The following EPHB1 variants were observed in gnomAD, a reference collection of about 807,000 sequenced individuals.
EPHB1 encodes the protein ephrin type-B receptor 1.
In EPHB1, 30 loss-of-function variants were observed where a neutral mutation model predicts 94.4. That is an observed-to-expected ratio of 0.32 (90% CI 0.24 to 0.43). The LOEUF (loss-of-function observed/expected upper bound fraction) is 0.43. Among genes scored for constraint, EPHB1 ranks in the 20% least tolerant of loss-of-function variants. EPHB1 has a pLI of 1.00. For missense variants in EPHB1, 1,055 were observed against 1,308.3 expected (o/e 0.81, Z 2.99); for synonymous variants, 522 against 489.1 (o/e 1.07, Z -0.89).
At chr3:134,813,485 C>T (rs545323323) in intron 1 of EPHB1, among the ~76,000 whole-genome samples, 1 of 152,266 alleles carries the variant, frequency 6.6e-6, no homozygotes. Context: ...TTTTTCTGCA[C>T]AGATTGTCCT....
intron 3 of EPHB1, among the ~76,000 whole-genome samples, chr3:134,966,091 G>C (rs978469803): frequency 6.6e-6 from 1 of 152,244 alleles, no homozygotes; most frequent in African/African-American, 2.4e-5. Context: ...AGGGGCAAGG[G>C]AGAGGCCATC....
intron 12 of EPHB1, among the ~76,000 whole-genome samples, chr3:135,227,682 T>G (rs1317149079): frequency 6.6e-6 from 1 of 152,192 alleles, no homozygotes; most frequent in Non-Finnish European, 1.5e-5. Flanking sequence ...CGTATGTATA[T>G]TTCTATAAAA....
chr3:134,941,615 T>G (rs183251201), intron 2 of EPHB1, among the ~76,000 whole-genome samples: 2 of 152,328 alleles, frequency 1.3e-5, no homozygotes, highest in East Asian at 3.9e-4. Flanking sequence ...GCATAAAGAA[T>G]GTGTCAGAGT....
At chr3:134,905,591 A>G (rs949891173) in intron 1 of EPHB1, among the ~76,000 whole-genome samples, 3 of 152,232 alleles carry the variant, frequency 2.0e-5, no homozygotes, top group Non-Finnish European at 4.4e-5. Flanking sequence ...GAAAAGAGGA[A>G]GAGCAAAGGC....
At chr3:135,216,334 CTT>C (rs1406270921) in intron 12 of EPHB1, among the ~76,000 whole-genome samples, 1 of 152,276 alleles carries the variant, frequency 6.6e-6, no homozygotes, top group Non-Finnish European at 1.5e-5. Context: ...TCCATCAACT[CTT>C]TTGTGGAAAA....
chr3:135,226,259 T>C (rs1347080458), intron 12 of EPHB1, among the ~76,000 whole-genome samples: 1 of 152,204 alleles, frequency 6.6e-6, no homozygotes, highest in Non-Finnish European at 1.5e-5. Context: ...TCAGTAGCTC[T>C]TCAAAGCCTT....
At chr3:135,116,033 G>A (rs1254778765) in intron 4 of EPHB1, among the ~76,000 whole-genome samples, 2 of 152,100 alleles carry the variant, frequency 1.3e-5, no homozygotes, top group African/African-American at 2.4e-5. Flanking sequence ...GGCCAACATG[G>A]TGAAACCCCG....
chr3:135,258,818 A>G (rs1933526291), intron 15 of EPHB1, among the ~76,000 whole-genome samples, 194 bp from the exon 16 acceptor site: 1 of 152,234 alleles, frequency 6.6e-6, no homozygotes, highest in Non-Finnish European at 1.5e-5. Context: ...AGCTGGAGGA[A>G]GCATTAGAGA....
At chr3:134,827,599 A>G (rs551394078) in intron 1 of EPHB1, among the ~76,000 whole-genome samples, 4 of 152,366 alleles carry the variant, frequency 2.6e-5, no homozygotes, top group East Asian at 1.9e-4. Flanking sequence ...TAGTTCCTGC[A>G]CAAGTCCTGA....
chr3:135,150,657 G>A (rs1371472424), intron 5 of EPHB1, among the ~76,000 whole-genome samples: 1 of 152,076 alleles, frequency 6.6e-6, no homozygotes, highest in African/African-American at 2.4e-5. Context: ...TGCTTCATTG[G>A]TGGCTTTTCC....
At chr3:135,069,768 A>C (rs994941394) in intron 3 of EPHB1, among the ~76,000 whole-genome samples, 1 of 152,102 alleles carries the variant, frequency 6.6e-6, no homozygotes. Context: ...GAAGCTTGAC[A>C]TCAATAACCT....
At chr3:134,993,874 G>T (rs745414629) in intron 3 of EPHB1, among the ~76,000 whole-genome samples, 40 of 152,154 alleles carry the variant, frequency 2.6e-4, no homozygotes, top group Non-Finnish European at 4.3e-4. Context: ...AAAGTCTTGG[G>T]TTTCCCCAGT....
chr3:135,126,234 C>A (rs1039954760), intron 4 of EPHB1, among the ~76,000 whole-genome samples: 1 of 152,148 alleles, frequency 6.6e-6, no homozygotes, highest in African/African-American at 2.4e-5. Flanking sequence ...TTCCAAACTA[C>A]AATCTTGAAT....
chr3:135,080,196 G>A (rs1053075147), intron 3 of EPHB1, among the ~76,000 whole-genome samples: 1 of 152,168 alleles, frequency 6.6e-6, no homozygotes, highest in Admixed American at 6.5e-5. Flanking sequence ...CTGGGGAAGC[G>A]AGGTATTCCT....
intron 12 of EPHB1, among the ~76,000 whole-genome samples, chr3:135,238,275 G>C (rs1162289518): frequency 1.3e-5 from 2 of 152,306 alleles, no homozygotes; most frequent in South Asian, 4.1e-4. Context: ...CTGAGCAGGA[G>C]AGCCTGCCAT....
At chr3:135,054,488 C>G (rs1937291177) in intron 3 of EPHB1, among the ~76,000 whole-genome samples, 3 of 152,210 alleles carry the variant, frequency 2.0e-5, no homozygotes, top group African/African-American at 7.2e-5. Flanking sequence ...TCTCACTTCA[C>G]TCTGCCCTTG....
chr3:135,154,765 G>A (rs1481814750), intron 6 of EPHB1, among the ~76,000 whole-genome samples: 6 of 152,154 alleles, frequency 3.9e-5, no homozygotes, highest in Non-Finnish European at 8.8e-5. Context: ...AAAAGGATGA[G>A]ATAAAAATTA....
chr3:135,080,740 T>C (rs1179392985), intron 3 of EPHB1, among the ~76,000 whole-genome samples: 1 of 152,106 alleles, frequency 6.6e-6, no homozygotes, highest in Non-Finnish European at 1.5e-5. Context: ...CTACTTAACC[T>C]CTCTGTAGCT....
At chr3:135,084,227 G>A (rs1478757039) in intron 3 of EPHB1, among the ~76,000 whole-genome samples, 2 of 152,268 alleles carry the variant, frequency 1.3e-5, no homozygotes, top group South Asian at 2.1e-4. Flanking sequence ...TGATGGAGAT[G>A]CCCTGCACGC....
Sources: gnomAD v4.1 joint callset for allele counts (sites outside exome capture counted in the v4.1 genomes callset) on GRCh38, gnomAD v4.1.1 for gene constraint, MANE v1.5 for transcripts, NCBI Gene and HGNC (gene_info 2026-07-23, HGNC 2026-07-21) for gene names.